Variants in E2F7 observed in about 807,000 individuals in gnomAD.
E2F7 encodes transcription factor E2F7.
A neutral mutation model predicts 81.1 loss-of-function variants in E2F7; 35 were observed. The ratio of observed to expected loss-of-function variants is 0.43; its 90% CI spans 0.33 to 0.57. The LOEUF is 0.57. Ranked by LOEUF, E2F7 falls within the 20% of genes least tolerant of loss-of-function variation. E2F7 has a pLI of 0.04. For missense variants in E2F7, 961 were observed against 1,093.7 expected (o/e 0.88, Z 1.71); for synonymous variants, 416 against 416.2 (o/e 1.00, Z 0.01).
rs778060064 is a variant in E2F7 at position 77,056,059 on chromosome 12, C to T, written c.165G>A (p.Ser55=). The part of the protein sequence containing the change: ...TPIKNEPIDL[S]KQKKFTPERN... Reference sequence around the variant, plus strand: ...TTTCTGGAGTAAATTTTTTTTGCTTCGATAAATCAATTGGTTCATTTTTTA... The same window carrying T: ...TTTCTGGAGTAAATTTTTTTTGCTTTGATAAATCAATTGGTTCATTTTTTA... The change falls in exon 3 of 13, where the codon TCG becomes TCA. Residue 55 remains serine, a synonymous_variant. Transcript: ENST00000322886. 7 of 1,613,812 alleles carry T rather than the reference C, an allele frequency of 4.3e-6. No individual in the cohort carries two copies. Among genetic ancestry groups the T allele is most frequent in the East Asian group, 2.2e-5 (1 of 44,880 alleles).
chr12:77,062,207 T>C (rs1317103612), intron 2 of E2F7, among the ~76,000 whole-genome samples: 4 of 152,176 alleles, frequency 2.6e-5, no homozygotes, highest in African/African-American at 9.7e-5. Flanking sequence ...GTATTATATA[T>C]TGATTCCAAT....
Position 77,022,195 on chromosome 12 carries a change from A to G in E2F7, c.*1820T>C, listed in dbSNP as rs1325640942. Reference sequence around the variant, plus strand: ...GAATTAACATGCATATACCCTGCACAGATTGAAACCTGAAAAAGGTATATT... The same window carrying G: ...GAATTAACATGCATATACCCTGCACGGATTGAAACCTGAAAAAGGTATATT... On this transcript the variant is annotated 3_prime_UTR_variant, in exon 13 of 13. Coordinates refer to ENST00000322886, the MANE Select transcript of E2F7 (RefSeq NM_203394.3). 6.6e-6 allele frequency: 1 copy of G among 152,210 alleles called. No individual in the cohort carries two copies. Among genetic ancestry groups the G allele is most frequent in the Non-Finnish European group, 1.5e-5 (1 of 68,036 alleles). 9.4% of individuals were successfully genotyped at this position (152,210 alleles called of 1,614,324 possible).
chr12:77,025,638 A>T lies in E2F7; in HGVS notation c.2485T>A (p.Ser829Thr), dbSNP rs1354753212. ...TGTTGGACGACACTGTGTGACCTTGACATCACTGGACTTAGGTTTAGTGAG... is the reference window on the plus strand; with the variant it reads ...TGTTGGACGACACTGTGTGACCTTGTCATCACTGGACTTAGGTTTAGTGAG... Reference protein sequence around the residue: ...QPSLNLSPVMSRSHSVVQQPE... With the variant: ...QPSLNLSPVMTRSHSVVQQPE... The change falls in exon 12 of 13, where the codon TCA (serine) becomes ACA (threonine). Residue 829 changes from serine to threonine, a missense_variant. Around this residue, in one of 3 missense-constraint regions of E2F7, gnomAD observed 587 missense variants for 620.3 expected, o/e 0.95. Coordinates refer to ENST00000322886, the MANE Select transcript of E2F7 (RefSeq NM_203394.3). The T allele has an allele frequency of 6.2e-7, 1 of 1,614,064 alleles. No individual in the cohort carries two copies. The highest frequency in any genetic ancestry group is 1.3e-5 in the African/African-American group (1 of 74,926).
chr12:77,061,163 A>T (rs1955075623), intron 2 of E2F7, among the ~76,000 whole-genome samples: 1 of 152,210 alleles, frequency 6.6e-6, no homozygotes, highest in South Asian at 2.1e-4. Context: ...ATAAAGCTTT[A>T]AAATCAACCT....
chr12:77,025,410 A>G lies in E2F7; in HGVS notation c.2565+148T>C, dbSNP rs1158688423. On this transcript the variant is annotated intron_variant, in intron 12 of 12. Coordinates refer to ENST00000322886, the MANE Select transcript of E2F7 (RefSeq NM_203394.3). ...ACCTCATGTCTCAGTGCTTTATAAAAGGAGCAGATAACTCTAGGTCTACAA... is the reference window on the plus strand; with the variant it reads ...ACCTCATGTCTCAGTGCTTTATAAAGGGAGCAGATAACTCTAGGTCTACAA... 6.3e-6 allele frequency: 5 copies of G among 790,986 alleles called. No homozygotes were observed. In the East Asian group the frequency reaches 1.3e-4, roughly 20 times the overall value. 49.0% of individuals were successfully genotyped at this position (790,986 alleles called of 1,614,324 possible).
intron 9 of E2F7, 37 bp downstream of exon 9, chr12:77,033,013 G>A: frequency 6.3e-7 from 1 of 1,581,246 alleles, no homozygotes; most frequent in Non-Finnish European, 8.6e-7. Flanking sequence ...CTAGGAGATA[G>A]AAAAGAATAC....
In E2F7 at chr12:77,055,999, T is replaced by C; in HGVS notation, c.225A>G (p.Arg75=). The change falls in exon 3 of 13, where the codon AGA becomes AGG. Residue 75 remains arginine, a synonymous_variant. Coordinates refer to ENST00000322886, the MANE Select transcript of E2F7 (RefSeq NM_203394.3). ...TGGGTGTCCATGGTTCCGCTTGCTGTCTGTCAACAAACTTAACTGGAGTAA... is the reference window on the plus strand; with the variant it reads ...TGGGTGTCCATGGTTCCGCTTGCTGCCTGTCAACAAACTTAACTGGAGTAA... ...NPITPVKFVD[R]QQAEPWTPTA... 1 of 1,614,210 alleles carries C rather than the reference T, an allele frequency of 6.2e-7. No individual in the cohort carries two copies. Among genetic ancestry groups the C allele is most frequent in the Non-Finnish European group, 8.5e-7 (1 of 1,180,022 alleles).
chr12:77,050,454 C>T (rs1043341134), intron 4 of E2F7, 122 bp downstream of exon 4: 6 of 962,664 alleles, frequency 6.2e-6, no homozygotes, highest in African/African-American at 1.6e-5. Context: ...GGAAGCTCTG[C>T]CTGTTCCTCT....
intron 7 of E2F7, among the ~76,000 whole-genome samples, chr12:77,041,177 C>T (rs953595839): frequency 2.0e-5 from 3 of 152,184 alleles, no homozygotes; most frequent in Admixed American, 6.5e-5. Context: ...AACAGCCGCT[C>T]ATCTTCCAGC....
chr12:77,046,149 G>C lies in E2F7; in HGVS notation c.718C>G (p.Gln240Glu). 1 of 1,614,178 alleles carries C rather than the reference G, an allele frequency of 6.2e-7. No individual in the cohort carries two copies. Among genetic ancestry groups the C allele is most frequent in the Non-Finnish European group, 8.5e-7 (1 of 1,180,032 alleles). The change falls in exon 5 of 13, where the codon CAG becomes GAG. Residue 240 changes from glutamine (Q) to glutamate (E), a missense_variant. This residue lies in a region of E2F7 where 301 missense variants were observed against 405.0 expected (regional missense o/e 0.74). Transcript: ENST00000322886. ...KYEEQMAYLQQKELDLIDYKF... is the reference protein window; with the variant it reads ...KYEEQMAYLQEKELDLIDYKF... ...TAATCTATCAGGTCCAGCTCTTTCT[G>C]TTGGAGGTAGGCCATTTGCTCTTCA... is the stretch of plus-strand genomic sequence containing the variant.
intron 3 of E2F7, among the ~76,000 whole-genome samples, chr12:77,051,345 G>T (rs941158689): frequency 3.3e-5 from 5 of 151,952 alleles, no homozygotes; most frequent in Non-Finnish European, 5.9e-5. Context: ...GAAAGTAAAA[G>T]GCTTTTCAAC....
intron 5 of E2F7, 148 bp from the exon 6 acceptor site, chr12:77,044,943 G>T: frequency 1.1e-6 from 1 of 924,670 alleles, no homozygotes; most frequent in Non-Finnish European, 1.6e-6. Context: ...ACACATCACA[G>T]AAGTCAGCTC....
rs533097558 is a variant in E2F7 at position 77,047,868 on chromosome 12, T to C, written c.539-1540A>G. Among the ~76,000 whole-genome samples the C allele has an allele frequency of 7.2e-5, 11 of 152,310 alleles. No homozygotes were observed. In the South Asian group the frequency reaches 2.3e-3, roughly 32 times the overall value. On this transcript the variant is annotated intron_variant, in intron 4 of 12. Transcript: ENST00000322886. The stretch of plus-strand genomic sequence containing the variant: ...CCTGCTTCTTTATTCCAGTCTGTTT[T>C]CATGTATTAACACATCTTGTTTAGA...
intron 2 of E2F7, among the ~76,000 whole-genome samples, chr12:77,058,876 C>T (rs1450996955): frequency 6.6e-6 from 1 of 152,166 alleles, no homozygotes; most frequent in Admixed American, 6.5e-5. Context: ...GTCTCAGTAA[C>T]AAGACTGTGC....
rs139118427 is a variant in E2F7 at position 77,023,815 on chromosome 12, G to C, written c.*200C>G. The C allele has an allele frequency of 3.2e-6, 2 of 615,694 alleles. No individual in the cohort carries two copies. Among genetic ancestry groups the C allele is most frequent in the Admixed American group, 3.2e-5 (1 of 31,172 alleles). 38.1% of individuals were successfully genotyped at this position (615,694 alleles called of 1,614,324 possible). On this transcript the variant is annotated 3_prime_UTR_variant, in exon 13 of 13. Coordinates refer to ENST00000322886, the MANE Select transcript of E2F7 (RefSeq NM_203394.3). ...CGCTTTCACTGTGACACCATGCAGA[G>C]TCGGAACTCTAACTGGTATTAAATG...
intron 3 of E2F7, 114 bp downstream of exon 3, chr12:77,055,741 T>A (rs1228685606): frequency 8.5e-7 from 1 of 1,178,222 alleles, no homozygotes; most frequent in African/African-American, 1.5e-5. Flanking sequence ...ATATTCAGTT[T>A]GCCACTGCTT....
intron 2 of E2F7, among the ~76,000 whole-genome samples, chr12:77,057,923 G>C (rs190607560): frequency 6.6e-6 from 1 of 152,154 alleles, no homozygotes; most frequent in Non-Finnish European, 1.5e-5. Flanking sequence ...TGAGCAGGGG[G>C]TTACAGTAAG....
intron 2 of E2F7, among the ~76,000 whole-genome samples, chr12:77,063,318 A>G (rs563043403): frequency 6.6e-6 from 1 of 152,348 alleles, no homozygotes; most frequent in South Asian, 2.1e-4. Context: ...AGAAAATCGT[A>G]CGCCAAGGTT....
rs1196337614 is a variant in E2F7, at chr12:77,045,959, C to T, written c.829+79G>A. On this transcript the variant is annotated intron_variant, in intron 5 of 12. Transcript: ENST00000322886. ...CCAGGGTTGTCAACCTGGCACTTCC[C>T]ATCTGAGCAGTGAATCTGCAGAAGA... 2.6e-6 allele frequency: 4 copies of T among 1,537,090 alleles called. No homozygotes were observed. The East Asian group carries it at 6.8e-5, about 26-fold the overall frequency.
Sources: allele counts gnomAD v4.1 joint callset (sites outside exome capture counted in the v4.1 genomes callset), GRCh38; gene constraint gnomAD v4.1.1; regional missense constraint gnomAD v4.1.1; transcripts MANE v1.5; gene names NCBI Gene and HGNC (gene_info 2026-07-23, HGNC 2026-07-21).